Variants in PCP4 observed in about 807,000 individuals in gnomAD.
PCP4 encodes the protein Purkinje cell protein 4.
A neutral mutation model predicts 10.0 loss-of-function variants in PCP4; 8 were observed. The observed-to-expected ratio is 0.80, with a 90% CI of 0.47 to 1.45. The LOEUF is 1.45. PCP4 is among the 40% of genes most tolerant of loss of function. The pLI, the probability that PCP4 is intolerant of heterozygous loss-of-function variation, is 0.00. For missense variants in PCP4, 54 were observed against 74.4 expected, an observed-to-expected ratio of 0.73 and a Z score of 1.01; for synonymous variants, 21 against 23.0, an observed-to-expected ratio of 0.91 and a Z score of 0.24.
intron 1 of PCP4, among the ~76,000 whole-genome samples, chr21:39,884,265 C>T (rs150684577): frequency 0.013 from 1,979 of 151,716 alleles, 40 homozygotes; most frequent in African/African-American, 0.045. Flanking sequence ...CTGCAACCTC[C>T]GCCTCCCAGG....
Position 39,929,229 on chromosome 21 carries a change from C to A in PCP4, c.*118C>A. The A allele has an allele frequency of 1.1e-6, 1 of 936,454 alleles. No homozygotes were observed. The highest frequency in any genetic ancestry group is 1.8e-5 in the South Asian group (1 of 57,088). 58.0% of individuals were successfully genotyped at this position (936,454 alleles called of 1,614,324 possible). A position where few individuals can be genotyped will look rare whatever the true frequency, so the allele number is the denominator to read the frequency against. On this transcript the variant is annotated 3_prime_UTR_variant, in exon 3 of 3. Transcript: ENST00000328619. ...CCACACACAATCCACACACGCATAG[C>A]AAACCTCCAATGCATGTACAGAAAC...
At chr21:39,907,429 G>A (rs1000809708) in intron 2 of PCP4, among the ~76,000 whole-genome samples, 1 of 152,184 alleles carries the variant, frequency 6.6e-6, no homozygotes, top group Non-Finnish European at 1.5e-5. Flanking sequence ...GGCCTATCTG[G>A]AGGAGCGGAC....
chr21:39,928,914 C>T, intron 2 of PCP4, 70 bp from the exon 3 acceptor site: 1 of 1,522,042 alleles, frequency 6.6e-7, no homozygotes, highest in Non-Finnish European at 9.0e-7. Context: ...CTTCACTTAT[C>T]TAGTGGGGCT....
chr21:39,877,778 T>C (rs549551002), intron 1 of PCP4, among the ~76,000 whole-genome samples: 1 of 152,308 alleles, frequency 6.6e-6, no homozygotes, highest in African/African-American at 2.4e-5. Flanking sequence ...TTGTTTTGCC[T>C]GGTAGTGTTC....
chr21:39,895,070 C>T (rs1225692146), intron 1 of PCP4, among the ~76,000 whole-genome samples: 1 of 151,802 alleles, frequency 6.6e-6, no homozygotes, highest in African/African-American at 2.4e-5. Flanking sequence ...CATCCACACA[C>T]CCATTCATCC....
intron 1 of PCP4, among the ~76,000 whole-genome samples, chr21:39,891,719 G>A (rs1003349135): frequency 6.6e-6 from 1 of 152,342 alleles, no homozygotes; most frequent in Non-Finnish European, 1.5e-5. Flanking sequence ...TGATTGACAA[G>A]GTGAAGCAAG....
intron 2 of PCP4, among the ~76,000 whole-genome samples, chr21:39,920,960 C>T (rs1038224676): frequency 2.0e-5 from 3 of 152,198 alleles, no homozygotes; most frequent in Non-Finnish European, 4.4e-5. Flanking sequence ...CACTCTCCAG[C>T]GGCCTGCTTT....
chr21:39,926,932 C>T (rs1216217665), intron 2 of PCP4, among the ~76,000 whole-genome samples: 1 of 152,200 alleles, frequency 6.6e-6, no homozygotes, highest in Non-Finnish European at 1.5e-5. Context: ...AAAGGAAGCA[C>T]CCCCATCCCC....
rs184246223 is a variant in PCP4 at position 39,906,259 on chromosome 21, G to A, written c.61+7732G>A. On this transcript the variant is annotated intron_variant, in intron 2 of 2. Transcript: ENST00000328619. This position sits in a 1 kb window ranked among gnomAD's most constrained non-coding sequence, Gnocchi z 6.3. ...TCTCCTGACTTCCCTCTTGACCAGG[G>A]TCTTGTTTGTAAATGGGCAACTTGG... Among the ~76,000 whole-genome samples the A allele has an allele frequency of 6.6e-6, 1 of 152,310 alleles. No individual in the cohort carries two copies. Among genetic ancestry groups the A allele is most frequent in the Admixed American group, 6.5e-5 (1 of 15,300 alleles).
chr21:39,873,176 G>T (rs371367146), intron 1 of PCP4, among the ~76,000 whole-genome samples: 1 of 152,208 alleles, frequency 6.6e-6, no homozygotes, highest in East Asian at 1.9e-4. Context: ...TTGGAAAGTG[G>T]TTTGCTGTAT....
At chr21:39,885,229 A>G (rs1416756573) in intron 1 of PCP4, among the ~76,000 whole-genome samples, 2 of 152,162 alleles carry the variant, frequency 1.3e-5, no homozygotes, top group African/African-American at 4.8e-5. Context: ...GCTCCTTCTC[A>G]AACTGACACT....
At chr21:39,875,950 G>A (rs1022428446) in intron 1 of PCP4, among the ~76,000 whole-genome samples, 1 of 152,042 alleles carries the variant, frequency 6.6e-6, no homozygotes, top group African/African-American at 2.4e-5. Flanking sequence ...TTTTAAGCTT[G>A]TATTGGTGCC....
At chr21:39,926,469 A>G (rs2087621686) in intron 2 of PCP4, among the ~76,000 whole-genome samples, 2 of 137,208 alleles carry the variant, frequency 1.5e-5, no homozygotes, top group Admixed American at 7.8e-5. Context: ...TTTACATTTA[A>G]AAGGGAAACT....
chr21:39,878,029 T>TTCC (rs2087354813), intron 1 of PCP4, among the ~76,000 whole-genome samples: 2 of 151,900 alleles, frequency 1.3e-5, no homozygotes, highest in Admixed American at 1.3e-4. Context: ...TTATGTCTTC[T>TTCC]ATACCGTTTC....
At chr21:39,881,271 GAA>G (rs527854677) in intron 1 of PCP4, among the ~76,000 whole-genome samples, 182 of 152,286 alleles carry the variant, frequency 1.2e-3, no homozygotes, top group Non-Finnish European at 1.6e-3. Flanking sequence ...TACCAAAAAA[GAA>G]AGTCTCCAGC....
At chr21:39,893,909 CAG>C (rs1601178559) in intron 1 of PCP4, among the ~76,000 whole-genome samples, 1 of 152,146 alleles carries the variant, frequency 6.6e-6, no homozygotes, top group East Asian at 1.9e-4. Context: ...TAGATAGACA[CAG>C]AGCTGGCTTG....
At chr21:39,913,920 G>A (rs751037965) in intron 2 of PCP4, among the ~76,000 whole-genome samples, 9 of 152,294 alleles carry the variant, frequency 5.9e-5, no homozygotes, top group South Asian at 2.1e-4. Context: ...GAGCCAGGGC[G>A]GGAAGTGCCC....
At chr21:39,894,644 A>G (rs1458576865) in intron 1 of PCP4, among the ~76,000 whole-genome samples, 1 of 152,232 alleles carries the variant, frequency 6.6e-6, no homozygotes, top group East Asian at 1.9e-4. Flanking sequence ...AGAGCTCAGG[A>G]TTCCAGAATC....
At chr21:39,915,132 A>G (rs7276341) in intron 2 of PCP4, among the ~76,000 whole-genome samples, 35,455 of 151,980 alleles carry the variant, frequency 0.23, 4,184 homozygotes, top group Middle Eastern at 0.26. Flanking sequence ...ATGGAAGGAG[A>G]AGCAAATGTC....
Sources: allele counts gnomAD v4.1 joint callset (sites outside exome capture counted in the v4.1 genomes callset), GRCh38; gene constraint gnomAD v4.1.1; non-coding constraint Gnocchi (gnomAD v3.1); transcripts MANE v1.5; gene names NCBI Gene and HGNC (gene_info 2026-07-23, HGNC 2026-07-21).